The following ADD3 variants were observed in gnomAD, a reference collection of about 807,000 sequenced individuals.
ADD3 encodes adducin 3, also known as gamma-adducin.
Under a neutral mutation model 80.2 loss-of-function variants are expected in ADD3, and 25 were observed. The ratio of observed to expected loss-of-function variants is 0.31; its 90% confidence interval spans 0.23 to 0.44. ADD3 has a LOEUF of 0.44. Ranked by LOEUF, ADD3 falls within the 20% of genes least tolerant of loss-of-function variation. ADD3 has a pLI of 1.00. For missense variants in ADD3, 829 were observed against 847.5 expected, an observed-to-expected ratio of 0.98 and a Z score of 0.27; for synonymous variants, 284 against 289.6, an observed-to-expected ratio of 0.98 and a Z score of 0.20.
chr10:110,124,323 T>A (rs1851873528), intron 10 of ADD3, 49 bp downstream of exon 10: 1 of 1,585,642 alleles, frequency 6.3e-7, no homozygotes, highest in African/African-American at 1.4e-5. Flanking sequence ...TTTTGCCTAG[T>A]TACTCAAGAA....
rs1564685596 is a variant in ADD3, at chr10:110,135,387, TA to T, written c.*1772del. Reference sequence around the variant, plus strand: ...GAATGCAATGTGCATAAATATTTTTTAAACATAACAGTGAACTATTGCACCT... The same window carrying T: ...GAATGCAATGTGCATAAATATTTTTTAACATAACAGTGAACTATTGCACCT... On this transcript the variant is annotated 3_prime_UTR_variant, in exon 15 of 15. Coordinates refer to ENST00000356080, the MANE Select transcript of ADD3 (RefSeq NM_016824.5). The T allele has an allele frequency of 1.3e-5, 2 of 152,676 alleles. No individual in the cohort carries two copies. Among genetic ancestry groups the T allele is most frequent in the Non-Finnish European group, 2.9e-5 (2 of 68,034 alleles). 9.5% of individuals were successfully genotyped at this position (152,676 alleles called of 1,614,324 possible).
chr10:110,076,325 A>G (rs1032777461), intron 1 of ADD3, among the ~76,000 whole-genome samples: 1 of 152,226 alleles, frequency 6.6e-6, no homozygotes, highest in Non-Finnish European at 1.5e-5. Context: ...GTATTTATAC[A>G]TACTGTGGAA....
At chr10:110,124,969 ATT>A (rs1452270993) in intron 10 of ADD3, among the ~76,000 whole-genome samples, 2 of 152,138 alleles carry the variant, frequency 1.3e-5, no homozygotes, top group Non-Finnish European at 2.9e-5. Context: ...GTGTTGGTGT[ATT>A]TTATATGTGG....
At chr10:110,043,535 A>G (rs1856597789) in intron 1 of ADD3, among the ~76,000 whole-genome samples, 2 of 152,176 alleles carry the variant, frequency 1.3e-5, no homozygotes. Flanking sequence ...AGTAAAATGA[A>G]CATGTATTTC....
intron 1 of ADD3, among the ~76,000 whole-genome samples, chr10:110,086,952 G>T (rs548189259): frequency 6.6e-6 from 1 of 152,338 alleles, no homozygotes; most frequent in South Asian, 2.1e-4. Context: ...GGTCTCCAAT[G>T]TGAGCAGAAT....
intron 1 of ADD3, among the ~76,000 whole-genome samples, chr10:110,059,916 A>G (rs1439161296): frequency 6.6e-6 from 1 of 152,260 alleles, no homozygotes; most frequent in Non-Finnish European, 1.5e-5. Context: ...ATTTAGGGAC[A>G]TCATGATGAA....
At chr10:110,098,257 A>G (rs1848409802) in intron 1 of ADD3, among the ~76,000 whole-genome samples, 1 of 152,226 alleles carries the variant, frequency 6.6e-6, no homozygotes, top group South Asian at 2.1e-4. Flanking sequence ...TCTATGAATA[A>G]TAATCCTAGG....
At chr10:110,021,006 A>C (rs1364056826) in intron 1 of ADD3, among the ~76,000 whole-genome samples, 2 of 147,378 alleles carry the variant, frequency 1.4e-5, no homozygotes, top group Non-Finnish European at 3.0e-5. Context: ...TTATAGGCCG[A>C]CTATATAAAC....
chr10:110,023,738 A>G (rs1853959168), intron 1 of ADD3, among the ~76,000 whole-genome samples: 1 of 152,230 alleles, frequency 6.6e-6, no homozygotes. Flanking sequence ...AGTGTTACCC[A>G]ATCGTCCAGT....
chr10:110,075,448 T>C (rs1845281049), intron 1 of ADD3, among the ~76,000 whole-genome samples: 1 of 152,208 alleles, frequency 6.6e-6, no homozygotes, highest in African/African-American at 2.4e-5. Flanking sequence ...ATTCCTGACA[T>C]GTTACAAACA....
chr10:110,095,081 A>G (rs1847995782), intron 1 of ADD3, among the ~76,000 whole-genome samples: 1 of 152,198 alleles, frequency 6.6e-6, no homozygotes, highest in Non-Finnish European at 1.5e-5. Context: ...ATTTGGAAGG[A>G]GTTGTGATAT....
intron 4 of ADD3, among the ~76,000 whole-genome samples, 178 bp downstream of exon 4, chr10:110,116,588 A>C (rs529162153): frequency 1.3e-5 from 2 of 152,264 alleles, no homozygotes; most frequent in East Asian, 3.9e-4. Context: ...CAATTCCCCC[A>C]CCTTTCTTCT....
chr10:110,099,189 A>G (rs1848522307), intron 1 of ADD3, among the ~76,000 whole-genome samples: 1 of 151,004 alleles, frequency 6.6e-6, no homozygotes, highest in Non-Finnish European at 1.5e-5. Context: ...TCAATCTCCC[A>G]ACATGCTGGG....
At chr10:110,004,257 G>A (rs955287157), upstream of ADD3, among the ~76,000 whole-genome samples, 5 of 151,640 alleles carry the variant, frequency 3.3e-5, no homozygotes, top group African/African-American at 9.7e-5. Flanking sequence ...AATTGAGGCC[G>A]GGTGCGGTGG....
intron 1 of ADD3, among the ~76,000 whole-genome samples, chr10:110,040,435 T>C (rs10884922): frequency 2.1e-4 from 32 of 152,226 alleles, no homozygotes; most frequent in Non-Finnish European, 4.3e-4. Flanking sequence ...CCAATTAATA[T>C]ATGTACCCAG....
intron 12 of ADD3, among the ~76,000 whole-genome samples, chr10:110,127,629 A>G (rs76392573): frequency 0.011 from 1,738 of 152,368 alleles, 25 homozygotes; most frequent in African/African-American, 0.039. Flanking sequence ...AAATAAGAAT[A>G]ACATAAAATC....
chr10:110,042,705 A>G (rs988901211), intron 1 of ADD3, among the ~76,000 whole-genome samples: 5 of 110,818 alleles, frequency 4.5e-5, no homozygotes, highest in African/African-American at 1.5e-4. Context: ...TTTTTTTTCC[A>G]TCAGTTTTTT....
chr10:110,061,488 C>T (rs919229354), intron 1 of ADD3, among the ~76,000 whole-genome samples: 8 of 152,124 alleles, frequency 5.3e-5, no homozygotes, highest in African/African-American at 1.9e-4. Context: ...TCAAGAAGTA[C>T]TTTTGCAAGG....
At chr10:110,011,278 A>G (rs1820873268) in intron 1 of ADD3, among the ~76,000 whole-genome samples, 1 of 152,218 alleles carries the variant, frequency 6.6e-6, no homozygotes. Context: ...GCTTCCTAAA[A>G]TGAACCCTAA....
Sources: gnomAD v4.1 joint callset for allele counts (sites outside exome capture counted in the v4.1 genomes callset) on GRCh38, gnomAD v4.1.1 for gene constraint, MANE v1.5 for transcripts, NCBI Gene and HGNC (gene_info 2026-07-23, HGNC 2026-07-21) for gene names.